The following STUM variants were observed in gnomAD, a reference collection of about 807,000 sequenced individuals.
STUM encodes the protein stum, mechanosensory transduction mediator homolog, also known as protein stum homolog.
Under a neutral mutation model 15.3 loss-of-function variants are expected in STUM, and 8 were observed. The observed-to-expected ratio is 0.52, with a 90% CI of 0.31 to 0.94. STUM has a LOEUF of 0.94. Among genes scored for constraint, STUM ranks in the 40% least tolerant of loss-of-function variants. STUM has a pLI of 0.05. For synonymous variants in STUM, 78 were observed against 88.7 expected (o/e 0.88, Z 0.68); for missense variants, 142 against 204.9 (o/e 0.69, Z 1.87).
chr1:226,558,553 A>G (rs1410778770), intron 1 of STUM, among the ~76,000 whole-genome samples: 3 of 152,106 alleles, frequency 2.0e-5, no homozygotes. Context: ...CAACACACCA[A>G]CTGGAAGCTT....
intron 1 of STUM, among the ~76,000 whole-genome samples, chr1:226,562,485 A>G (rs1010863574): frequency 3.9e-5 from 6 of 152,244 alleles, no homozygotes; most frequent in African/African-American, 7.2e-5. Context: ...AAAAAAAAAA[A>G]AAAAGAAAAG....
intron 1 of STUM, among the ~76,000 whole-genome samples, chr1:226,563,675 G>A (rs185211897): frequency 3.2e-4 from 48 of 152,324 alleles, no homozygotes; most frequent in Non-Finnish European, 6.3e-4. Context: ...CATTTTCTTC[G>A]TTATTCCTCT....
chr1:226,589,486 C>T (rs2102706947), intron 1 of STUM, among the ~76,000 whole-genome samples: 1 of 152,296 alleles, frequency 6.6e-6, no homozygotes, highest in African/African-American at 2.4e-5. Context: ...AGTACAGAGA[C>T]CACAGTGATG....
intron 1 of STUM, among the ~76,000 whole-genome samples, chr1:226,566,571 C>T (rs1667629394): frequency 6.6e-6 from 1 of 152,000 alleles, no homozygotes; most frequent in South Asian, 2.1e-4. Context: ...AGGTCTCTTA[C>T]CCACATTTTT....
At chr1:226,591,455 A>G (rs1668084006) in intron 1 of STUM, among the ~76,000 whole-genome samples, 1 of 152,250 alleles carries the variant, frequency 6.6e-6, no homozygotes, top group South Asian at 2.1e-4. Flanking sequence ...CCTCCTTTAA[A>G]TAAAGTGTGG....
chr1:226,550,417 C>CATCAGAT (rs1374614714), intron 1 of STUM, among the ~76,000 whole-genome samples: 1 of 152,140 alleles, frequency 6.6e-6, no homozygotes, highest in East Asian at 1.9e-4. Flanking sequence ...AGCAGCCTGT[C>CATCAGAT]CCCCTGGCTG....
intron 1 of STUM, among the ~76,000 whole-genome samples, chr1:226,579,214 A>G (rs1010173256): frequency 6.6e-6 from 1 of 152,236 alleles, no homozygotes; most frequent in Non-Finnish European, 1.5e-5. Flanking sequence ...TGATAGAAGG[A>G]AACTATCTTA....
At chr1:226,590,890 G>A (rs138848433) in intron 1 of STUM, among the ~76,000 whole-genome samples, 3 of 152,180 alleles carry the variant, frequency 2.0e-5, no homozygotes, top group South Asian at 4.1e-4. Flanking sequence ...TTCCTGCTAC[G>A]GCCAAACAGA....
chr1:226,577,487 C>T (rs573272185), intron 1 of STUM, among the ~76,000 whole-genome samples: 4 of 140,216 alleles, frequency 2.9e-5, no homozygotes, highest in East Asian at 2.1e-4. Flanking sequence ...GCTCTTCACA[C>T]GAAACAGTTT....
At position 226,549,477 on chromosome 1, in the gene STUM, C is replaced by A. The variant is rs1476339386; in HGVS notation, c.202+371C>A. Among the ~76,000 whole-genome samples the A allele has an allele frequency of 6.6e-6, 1 of 152,204 alleles. No homozygotes were observed. The highest frequency in any genetic ancestry group is 2.4e-5 in the African/African-American group (1 of 41,458). ...TCGTGTGCATCCGTCCGCGAGCCCACTTCCCCGAGAGGAATGGGGTCGGAT... is the reference window on the plus strand; with the variant it reads ...TCGTGTGCATCCGTCCGCGAGCCCAATTCCCCGAGAGGAATGGGGTCGGAT... On this transcript the variant is annotated intron_variant, in intron 1 of 3. Coordinates refer to ENST00000366788, the MANE Select transcript of STUM (RefSeq NM_001003665.4). The surrounding 1 kb of genome is among the most constrained non-coding windows in gnomAD (Gnocchi z 6.8).
intron 1 of STUM, among the ~76,000 whole-genome samples, chr1:226,593,185 C>CAAA (rs72490675): frequency 1.0e-3 from 126 of 125,262 alleles, no homozygotes; most frequent in South Asian, 1.3e-3. Flanking sequence ...GACTCCGTCT[C>CAAA]AAAAAAAAAA....
chr1:226,574,532 T>A (rs1667771675), intron 1 of STUM, among the ~76,000 whole-genome samples: 1 of 152,174 alleles, frequency 6.6e-6, no homozygotes, highest in Non-Finnish European at 1.5e-5. Flanking sequence ...GACAGGGCAA[T>A]GAGACGCTTG....
intron 1 of STUM, among the ~76,000 whole-genome samples, chr1:226,584,872 C>T (rs1667972929): frequency 6.6e-6 from 1 of 152,194 alleles, no homozygotes. Flanking sequence ...TTGCTTAAAA[C>T]TTTGTTTTAA....
At chr1:226,568,956 G>GCAAGGGGACCTTGCTGTGTCCACACA (rs1558280353) in intron 1 of STUM, among the ~76,000 whole-genome samples, 40 of 150,662 alleles carry the variant, frequency 2.7e-4, no homozygotes, top group Admixed American at 2.2e-3. Context: ...AGGGTCCCTA[G>GCAAGGGGACCTTGCTGTGTCCACACA]CAAGGGGACC....
chr1:226,551,500 C>G (rs1350129544), intron 1 of STUM, among the ~76,000 whole-genome samples: 1 of 152,242 alleles, frequency 6.6e-6, no homozygotes, highest in African/African-American at 2.4e-5. Context: ...CCCCCCTTCC[C>G]CAGGAGTGGT....
chr1:226,598,415 C>A (rs2102712861), intron 2 of STUM, among the ~76,000 whole-genome samples: 1 of 152,294 alleles, frequency 6.6e-6, no homozygotes, highest in South Asian at 2.1e-4. Flanking sequence ...GAGGAAGGAA[C>A]CTCTGCATTA....
chr1:226,567,487 T>C lies in STUM; in HGVS notation c.202+18381T>C, dbSNP rs1667643485. On this transcript the variant is annotated intron_variant, in intron 1 of 3. Transcript: ENST00000366788. This position sits in a 1 kb window ranked among gnomAD's most constrained non-coding sequence, Gnocchi z 4.5. Reference sequence around the variant, plus strand: ...AGTGGTTGAGGGAAAGCAGATTTAATGAGAAGAGGTAGATGGTCCCGATGG... The same window carrying C: ...AGTGGTTGAGGGAAAGCAGATTTAACGAGAAGAGGTAGATGGTCCCGATGG... Among the ~76,000 whole-genome samples, 1 of 152,218 alleles carries C rather than the reference T, an allele frequency of 6.6e-6. No homozygotes were observed. The highest frequency in any genetic ancestry group is 1.5e-5 in the Non-Finnish European group (1 of 68,032).
At chr1:226,597,554 A>C (rs1031870475) in intron 2 of STUM, 6 of 448,564 alleles carry the variant, frequency 1.3e-5, no homozygotes, top group African/African-American at 1.2e-4. Flanking sequence ...GTCAGAGGTA[A>C]GCTGAGCCAG....
At chr1:226,563,248 T>G (rs553216085) in intron 1 of STUM, among the ~76,000 whole-genome samples, 87 of 152,352 alleles carry the variant, frequency 5.7e-4, no homozygotes, top group Non-Finnish European at 1.1e-3. Context: ...TCTAAGCCAG[T>G]CACATCCTCT....
Sources: allele counts gnomAD v4.1 joint callset (sites outside exome capture counted in the v4.1 genomes callset), GRCh38; gene constraint gnomAD v4.1.1; non-coding constraint Gnocchi (gnomAD v3.1); transcripts MANE v1.5; gene names NCBI Gene and HGNC (gene_info 2026-07-23, HGNC 2026-07-21).